Variants in AMMECR1 observed in about 807,000 individuals in gnomAD.
AMMECR1 encodes nuclear protein AMMECR1.
AMMECR1 carries 3 observed loss-of-function variants against 22.5 expected under a neutral mutation model. The ratio of observed to expected loss-of-function variants is 0.13; its 90% CI spans 0.06 to 0.35. The LOEUF (loss-of-function observed/expected upper bound fraction) is 0.35, where lower values mean the gene tolerates loss of function less well. Among genes scored for constraint, AMMECR1 ranks in the 10% least tolerant of loss-of-function variants. The pLI is 1.00. For synonymous variants in AMMECR1, 130 were observed against 116.7 expected, an observed-to-expected ratio of 1.11 and a Z score of -0.74; for missense variants, 235 against 278.7, an observed-to-expected ratio of 0.84 and a Z score of 1.12.
intron 2 of AMMECR1, among the ~76,000 whole-genome samples, chrX:110,412,070 A>G (rs1229116454): frequency 1.8e-5 from 2 of 112,997 alleles, no homozygotes; most frequent in East Asian, 2.8e-4. Flanking sequence ...AGGAACACCA[A>G]TCAGTAATAA....
chrX:110,238,078 G>A (rs1022992363), intron 2 of AMMECR1, among the ~76,000 whole-genome samples: 4 of 111,959 alleles, frequency 3.6e-5, no homozygotes, highest in African/African-American at 1.3e-4. Flanking sequence ...CAAATCTTTT[G>A]TGTAGTATGT....
chrX:110,378,008 CAAA>C (rs755483656), intron 2 of AMMECR1, among the ~76,000 whole-genome samples: 420 of 30,923 alleles, frequency 0.014, 5 homozygotes, highest in African/African-American at 0.054. Context: ...GACTCCGTCT[CAAA>C]AAAAAAAAAA....
At chrX:110,297,629 G>C (rs2067944317) in intron 1 of AMMECR1, among the ~76,000 whole-genome samples, 1 of 111,539 alleles carries the variant, frequency 9.0e-6, no homozygotes, top group East Asian at 2.8e-4. Flanking sequence ...ACACTCCTCA[G>C]GTTGTTGGAA....
chrX:110,386,603 T>C (rs1318000207), intron 2 of AMMECR1, among the ~76,000 whole-genome samples: 1 of 112,204 alleles, frequency 8.9e-6, no homozygotes, highest in Non-Finnish European at 1.9e-5. Context: ...AGATATATGT[T>C]TGTGAATATT....
chrX:110,400,374 A>G lies in AMMECR1; in HGVS notation c.-148+26284T>C, dbSNP rs147123394. Among the ~76,000 whole-genome samples, 56 of 108,994 alleles carry G rather than the reference A, an allele frequency of 5.1e-4. No individual in the cohort carries two copies. In the East Asian group the frequency reaches 5.4e-3, roughly 11 times the overall value. The allele number at this position is 108,994 out of a possible 115,157, so 94.6% of individuals were successfully genotyped here. A position where few individuals can be genotyped will look rare whatever the true frequency, so the allele number is the denominator to read the frequency against. On this transcript the variant is annotated intron_variant, in intron 2 of 7. Coordinates refer to the AMMECR1 transcript ENST00000372057. Reference sequence around the variant, plus strand: ...AGGAATCCCTTCCTTAGAGGCCCCAATATGGCTTTCCGTATTGTTCTGAGT... The same window carrying G: ...AGGAATCCCTTCCTTAGAGGCCCCAGTATGGCTTTCCGTATTGTTCTGAGT...
intron 2 of AMMECR1, among the ~76,000 whole-genome samples, chrX:110,217,502 TACACACACACACACAC>T (rs759487797): frequency 1.1e-5 from 1 of 88,567 alleles, no homozygotes; most frequent in Non-Finnish European, 2.3e-5. Flanking sequence ...GAATAGAAAA[TACACACACACACACAC>T]ACACACACAC....
chrX:110,430,372 A>G (rs2068787827), intron 1 of AMMECR1, among the ~76,000 whole-genome samples: 1 of 112,521 alleles, frequency 8.9e-6, no homozygotes, highest in South Asian at 3.7e-4. Flanking sequence ...TGTGTGTATT[A>G]ACTCATTTAA....
At chrX:110,378,143 A>G (rs910044563) in intron 2 of AMMECR1, among the ~76,000 whole-genome samples, 5 of 110,112 alleles carry the variant, frequency 4.5e-5, no homozygotes, top group Non-Finnish European at 9.5e-5. Context: ...TATTCTGCCC[A>G]TTTTTTTGGC....
chrX:110,303,117 G>T (rs144682327), intron 1 of AMMECR1, among the ~76,000 whole-genome samples: 8 of 111,429 alleles, frequency 7.2e-5, no homozygotes, highest in Admixed American at 9.5e-5. Flanking sequence ...GAAAGTGAAA[G>T]AAACCTTAAA....
At chrX:110,357,829 C>T (rs746220632) in intron 2 of AMMECR1, among the ~76,000 whole-genome samples, 3 of 111,164 alleles carry the variant, frequency 2.7e-5, no homozygotes, top group Admixed American at 9.6e-5. Context: ...TTATACTTGC[C>T]CTTCTTGGAT....
intron 1 of AMMECR1, among the ~76,000 whole-genome samples, chrX:110,300,748 A>G (rs1385482793): frequency 8.9e-6 from 1 of 112,157 alleles, no homozygotes; most frequent in African/African-American, 3.2e-5. Context: ...TTAATTCTGG[A>G]AAACTGACAT....
intron 1 of AMMECR1, among the ~76,000 whole-genome samples, chrX:110,291,385 G>C (rs1399494911): frequency 9.0e-6 from 1 of 110,683 alleles, no homozygotes; most frequent in African/African-American, 3.3e-5. Context: ...AAATTAGCCG[G>C]CGTGGTGGTG....
Position 110,434,083 on chromosome X carries a change from G to A in AMMECR1, c.-294+5807C>T, listed in dbSNP as rs765880611. ...TTGAGCAGCATCTTGAGGGATGGCAGGTTATGTCAGGAGGAACAGTGGAGG... is the reference window on the plus strand; with the variant it reads ...TTGAGCAGCATCTTGAGGGATGGCAAGTTATGTCAGGAGGAACAGTGGAGG... On this transcript the variant is annotated intron_variant, in intron 1 of 7. Coordinates refer to the AMMECR1 transcript ENST00000372057. Among the ~76,000 whole-genome samples the A allele has an allele frequency of 3.6e-5, 4 of 111,738 alleles. No homozygotes were observed. The East Asian group carries it at 1.1e-3, about 31-fold the overall frequency.
chrX:110,304,113 T>A (rs1444286693), intron 1 of AMMECR1, among the ~76,000 whole-genome samples: 1 of 112,348 alleles, frequency 8.9e-6, no homozygotes, highest in Admixed American at 9.4e-5. Context: ...GAATTTTGTT[T>A]CTAAATAACA....
At chrX:110,361,766 C>A (rs1306840577) in intron 2 of AMMECR1, among the ~76,000 whole-genome samples, 2 of 112,305 alleles carry the variant, frequency 1.8e-5, no homozygotes, top group African/African-American at 6.5e-5. Context: ...ATTTGTTTAT[C>A]ATCTATCTCC....
At chrX:110,212,632 A>C (rs757270424) in intron 3 of AMMECR1, among the ~76,000 whole-genome samples, 2 of 112,428 alleles carry the variant, frequency 1.8e-5, no homozygotes, top group South Asian at 3.7e-4. Context: ...TTAAAATTGC[A>C]TACTTATGGT....
At chrX:110,353,824 T>C (rs1018200570) in intron 2 of AMMECR1, among the ~76,000 whole-genome samples, 2 of 111,814 alleles carry the variant, frequency 1.8e-5, no homozygotes, top group African/African-American at 6.5e-5. Flanking sequence ...ACAAATTCAG[T>C]AAAGTTTCAG....
At chrX:110,206,283 A>C (rs1362787224) in intron 3 of AMMECR1, among the ~76,000 whole-genome samples, 1 of 112,371 alleles carries the variant, frequency 8.9e-6, no homozygotes, top group South Asian at 3.7e-4. Context: ...TTAAGCTTTG[A>C]GACTGTCTGC....
At chrX:110,219,326 T>C (rs1297333140) in intron 2 of AMMECR1, 1 of 745,470 alleles carries the variant, frequency 1.3e-6, no homozygotes, top group African/African-American at 2.3e-5. Flanking sequence ...CTTTTGAATA[T>C]AGTGCTAGAC....
Sources: gnomAD v4.1 joint callset for allele counts (sites outside exome capture counted in the v4.1 genomes callset) on GRCh38, gnomAD v4.1.1 for gene constraint, MANE v1.5 for transcripts, NCBI Gene and HGNC (gene_info 2026-07-23, HGNC 2026-07-21) for gene names.